Variants in LAMA2 observed in about 807,000 individuals in gnomAD.
The protein encoded by LAMA2 is laminin subunit alpha-2.
A neutral mutation model predicts 364.8 loss-of-function variants in LAMA2; 269 were observed. The ratio of observed to expected loss-of-function variants is 0.74; its 90% CI spans 0.67 to 0.82. The LOEUF is 0.82. Among genes scored for constraint, LAMA2 ranks in the 40% least tolerant of loss-of-function variants. LAMA2 has a pLI of 0.00. For missense variants in LAMA2, 3,807 were observed against 3,873.2 expected (o/e 0.98, Z 0.45); for synonymous variants, 1,379 against 1,370.6 (o/e 1.01, Z -0.14).
At chr6:129,198,763 T>A (rs1782000417) in intron 12 of LAMA2, among the ~76,000 whole-genome samples, 1 of 151,736 alleles carries the variant, frequency 6.6e-6, no homozygotes, top group Admixed American at 6.6e-5. Flanking sequence ...AAGAATACAA[T>A]TTAGAAAAAG....
At chr6:128,883,647 C>A (rs1403688301) in intron 1 of LAMA2, among the ~76,000 whole-genome samples, 2 of 151,994 alleles carry the variant, frequency 1.3e-5, no homozygotes, top group African/African-American at 2.4e-5. Context: ...TTTCTGAAAT[C>A]TTTCCAAGAG....
chr6:129,099,440 T>C (rs1775392226), intron 4 of LAMA2, among the ~76,000 whole-genome samples: 1 of 152,178 alleles, frequency 6.6e-6, no homozygotes, highest in Non-Finnish European at 1.5e-5. Context: ...CTTGAATTAT[T>C]CAATATTTCT....
At chr6:129,071,092 A>C (rs1055249849) in intron 3 of LAMA2, among the ~76,000 whole-genome samples, 1 of 152,194 alleles carries the variant, frequency 6.6e-6, no homozygotes, top group Non-Finnish European at 1.5e-5. Context: ...CACAGATTCC[A>C]TATCTATAAT....
At chr6:129,377,391 G>T (rs1364109705) in intron 34 of LAMA2, among the ~76,000 whole-genome samples, 6 of 151,706 alleles carry the variant, frequency 4.0e-5, no homozygotes, top group African/African-American at 7.3e-5. Flanking sequence ...ATTTTTAAAA[G>T]ATATATATAT....
chr6:129,134,076 G>A (rs1009467967), intron 4 of LAMA2, among the ~76,000 whole-genome samples: 3 of 152,194 alleles, frequency 2.0e-5, no homozygotes, highest in African/African-American at 7.2e-5. Context: ...CACGGGGACT[G>A]AAAACAAAAC....
At chr6:128,894,220 T>C (rs1300267592) in intron 1 of LAMA2, among the ~76,000 whole-genome samples, 2 of 152,308 alleles carry the variant, frequency 1.3e-5, no homozygotes, top group African/African-American at 2.4e-5. Flanking sequence ...TGTGATGTTA[T>C]AGTATCATTC....
chr6:128,917,734 C>T (rs866187090), intron 1 of LAMA2, among the ~76,000 whole-genome samples: 57 of 111,634 alleles, frequency 5.1e-4, no homozygotes, highest in African/African-American at 1.6e-3. Flanking sequence ...TTCTTTCTTT[C>T]TTTTTTTTTT....
At chr6:129,053,536 C>CAAGG (rs10661856) in intron 2 of LAMA2, among the ~76,000 whole-genome samples, 44,384 of 151,258 alleles carry the variant, frequency 0.29, 6,995 homozygotes, top group African/African-American at 0.42. Flanking sequence ...TAAATGGAGT[C>CAAGG]AAGGCAATAA....
intron 54 of LAMA2, chr6:129,479,744 A>G (rs1784260249): frequency 1.3e-5 from 2 of 152,198 alleles, no homozygotes; most frequent in African/African-American, 4.8e-5. Flanking sequence ...GGTAAAGAAA[A>G]AAGTAAATCC....
intron 14 of LAMA2, among the ~76,000 whole-genome samples, chr6:129,258,288 T>C (rs568340531): frequency 6.6e-6 from 1 of 152,236 alleles, no homozygotes; most frequent in South Asian, 2.1e-4. Context: ...AGGTATTATG[T>C]GTTCATGAAT....
chr6:129,210,696 T>A (rs1783040435), intron 12 of LAMA2, among the ~76,000 whole-genome samples: 1 of 152,206 alleles, frequency 6.6e-6, no homozygotes, highest in African/African-American at 2.4e-5. Flanking sequence ...TCACAGGGCC[T>A]GTTGGGAAGA....
chr6:129,051,342 T>C (rs1787994707), intron 2 of LAMA2, among the ~76,000 whole-genome samples: 1 of 149,630 alleles, frequency 6.7e-6, no homozygotes, highest in Non-Finnish European at 1.5e-5. Flanking sequence ...AGGCAGAATC[T>C]CACTCTGTCA....
At chr6:129,366,190 A>G in intron 32 of LAMA2, 29 bp from the exon 33 acceptor site, 1 of 1,611,944 alleles carries the variant, frequency 6.2e-7, no homozygotes, top group Non-Finnish European at 8.5e-7. Context: ...TAGCAGAAGT[A>G]ACTACTCTTT....
intron 12 of LAMA2, among the ~76,000 whole-genome samples, chr6:129,208,627 GAAAGAAGAAAGA>G (rs1164661140): frequency 1.4e-5 from 2 of 143,196 alleles, no homozygotes; most frequent in South Asian, 2.2e-4. Flanking sequence ...AAGAAAGAAA[GAAAGAAGAAAGA>G]AAGAAGGAAG....
At chr6:129,242,224 C>G (rs752429064) in intron 12 of LAMA2, among the ~76,000 whole-genome samples, 15 of 152,148 alleles carry the variant, frequency 9.9e-5, no homozygotes, top group Non-Finnish European at 2.1e-4. Flanking sequence ...CATCTACTGT[C>G]CAACATGATG....
chr6:129,304,879 A>G lies in LAMA2; in HGVS notation c.3174+4007A>G, dbSNP rs143930006. On this transcript the variant is annotated intron_variant, in intron 22 of 64. Coordinates refer to ENST00000421865, the MANE Select transcript of LAMA2 (RefSeq NM_000426.4). ...TTTGAAAATTATTGAGATTTGTTTTATGGCCCGGAATAGTGTTCAGTTTGT... is the reference window on the plus strand; with the variant it reads ...TTTGAAAATTATTGAGATTTGTTTTGTGGCCCGGAATAGTGTTCAGTTTGT... Among the ~76,000 whole-genome samples the G allele has an allele frequency of 2.7e-4, 41 of 152,320 alleles. 1 individual carries two copies. In the East Asian group the frequency reaches 7.5e-3, roughly 28 times the overall value.
chr6:129,430,994 C>T (rs1407467853), intron 41 of LAMA2, among the ~76,000 whole-genome samples: 1 of 152,110 alleles, frequency 6.6e-6, no homozygotes. Context: ...TAAAATTATA[C>T]ATCTTACCTT....
At chr6:129,182,068 C>A (rs1419952099) in intron 10 of LAMA2, among the ~76,000 whole-genome samples, 1 of 151,538 alleles carries the variant, frequency 6.6e-6, no homozygotes, top group Non-Finnish European at 1.5e-5. Context: ...CTATAAAAAG[C>A]AGTAGTATTT....
intron 7 of LAMA2, among the ~76,000 whole-genome samples, chr6:129,149,478 AT>A (rs897745737): frequency 1.5e-4 from 23 of 152,212 alleles, no homozygotes; most frequent in African/African-American, 5.5e-4. Flanking sequence ...CCCTAACCAC[AT>A]TTTTTTCAGC....
Sources: gnomAD v4.1 joint callset for allele counts (sites outside exome capture counted in the v4.1 genomes callset) on GRCh38, gnomAD v4.1.1 for gene constraint, MANE v1.5 for transcripts, NCBI Gene and HGNC (gene_info 2026-07-23, HGNC 2026-07-21) for gene names.